The following CFAP20DC variants were observed in gnomAD, a reference collection of about 807,000 sequenced individuals.
CFAP20DC encodes the protein CFAP20 domain containing.
In CFAP20DC, 84 loss-of-function variants were observed where a neutral mutation model predicts 101.7. That is an observed-to-expected ratio of 0.83 (90% CI 0.69 to 0.99). CFAP20DC has a LOEUF of 0.99. Ranked by LOEUF, CFAP20DC falls within the 50% of genes least tolerant of loss-of-function variation. The probability of loss-of-function intolerance (pLI) is 0.00; values close to 1 mark genes in which losing one functional copy is unlikely to be tolerated. For synonymous variants in CFAP20DC, 359 were observed against 351.2 expected (o/e 1.02, Z -0.25); for missense variants, 1,007 against 970.3 (o/e 1.04, Z -0.50).
chr3:58,975,912 A>G (rs2092250465), intron 4 of CFAP20DC, among the ~76,000 whole-genome samples: 1 of 152,176 alleles, frequency 6.6e-6, no homozygotes, highest in Non-Finnish European at 1.5e-5. Flanking sequence ...ACTGCAAAAC[A>G]CATTCTACAG....
At chr3:58,918,137 T>C (rs7651720) in intron 5 of CFAP20DC, among the ~76,000 whole-genome samples, 5,170 of 152,270 alleles carry the variant, frequency 0.034, 126 homozygotes, top group Non-Finnish European at 0.054. Context: ...CAGTGAAACA[T>C]AGCTTTTTTT....
intron 16 of CFAP20DC, among the ~76,000 whole-genome samples, chr3:58,746,836 T>TG (rs1383467714): frequency 6.6e-6 from 1 of 152,146 alleles, no homozygotes; most frequent in Non-Finnish European, 1.5e-5. Flanking sequence ...AAGGTTTTGT[T>TG]TTCATTGTAA....
intron 12 of CFAP20DC, among the ~76,000 whole-genome samples, chr3:58,852,951 G>T (rs1394606290): frequency 2.0e-5 from 3 of 151,928 alleles, no homozygotes; most frequent in Non-Finnish European, 4.4e-5. Context: ...AAACACATAC[G>T]AAAGCTAGCA....
chr3:58,988,362 A>G (rs985745146), intron 4 of CFAP20DC, among the ~76,000 whole-genome samples: 9 of 152,054 alleles, frequency 5.9e-5, no homozygotes, highest in African/African-American at 2.2e-4. Flanking sequence ...GTAATAAATA[A>G]CTCCCAAATT....
intron 5 of CFAP20DC, among the ~76,000 whole-genome samples, chr3:58,931,795 A>G (rs1016402204): frequency 1.3e-5 from 2 of 152,208 alleles, no homozygotes; most frequent in Non-Finnish European, 2.9e-5. Context: ...ATCAAAGACC[A>G]AAAGTAGATA....
At chr3:58,972,126 C>T (rs910588934) in intron 4 of CFAP20DC, among the ~76,000 whole-genome samples, 1 of 151,968 alleles carries the variant, frequency 6.6e-6, no homozygotes, top group Non-Finnish European at 1.5e-5. Context: ...AAAAAAAGTT[C>T]CTTTATAATC....
chr3:59,002,958 G>A lies in CFAP20DC; in HGVS notation c.278+36599C>T, dbSNP rs2093348386. Among the ~76,000 whole-genome samples the A allele has an allele frequency of 6.6e-6, 1 of 152,130 alleles. No individual in the cohort carries two copies. Among genetic ancestry groups the A allele is most frequent in the Non-Finnish European group, 1.5e-5 (1 of 68,010 alleles). On this transcript the variant is annotated intron_variant, in intron 4 of 16. Transcript: ENST00000482387. This position sits in a 1 kb window ranked among gnomAD's most constrained non-coding sequence, Gnocchi z 4.5. ...TCTTGGTTACTGACAGAGCTATAAT[G>A]CATCCAAGATTTCTGACTGAATATC...
At chr3:58,872,666 T>C (rs1164090823) in intron 7 of CFAP20DC, among the ~76,000 whole-genome samples, 2 of 152,120 alleles carry the variant, frequency 1.3e-5, no homozygotes, top group Non-Finnish European at 2.9e-5. Context: ...GGAGAGAAAT[T>C]CCATTTGTCT....
At chr3:58,743,236 C>T (rs1369802144) in intron 16 of CFAP20DC, among the ~76,000 whole-genome samples, 1 of 151,048 alleles carries the variant, frequency 6.6e-6, no homozygotes. Context: ...AAGTCATTAT[C>T]GAGGCCTGCT....
intron 16 of CFAP20DC, among the ~76,000 whole-genome samples, chr3:58,751,904 A>T (rs539957790): frequency 4.0e-4 from 61 of 151,368 alleles, no homozygotes; most frequent in African/African-American, 1.5e-3. Context: ...GGCTAAATGT[A>T]ATGACTTGGT....
chr3:58,752,788 T>C (rs1273312323), intron 16 of CFAP20DC, among the ~76,000 whole-genome samples: 2 of 152,086 alleles, frequency 1.3e-5, no homozygotes, highest in South Asian at 2.1e-4. Flanking sequence ...CTCTGAATTC[T>C]CCATACCTAA....
At chr3:58,932,966 A>G (rs1368385028) in intron 5 of CFAP20DC, among the ~76,000 whole-genome samples, 8 of 152,300 alleles carry the variant, frequency 5.3e-5, no homozygotes, top group Middle Eastern at 3.4e-3. Context: ...CCAATTAAAA[A>G]ACACAGACTG....
intron 6 of CFAP20DC, among the ~76,000 whole-genome samples, chr3:58,890,881 G>A (rs1199851257): frequency 8.1e-5 from 12 of 148,382 alleles, no homozygotes; most frequent in African/African-American, 2.8e-4. Flanking sequence ...GCTGGGAAGA[G>A]GCGCTCCTCA....
intron 4 of CFAP20DC, among the ~76,000 whole-genome samples, chr3:58,940,872 A>G (rs1458569066): frequency 6.6e-6 from 1 of 152,360 alleles, no homozygotes; most frequent in East Asian, 1.9e-4. Flanking sequence ...GGAGAATGAT[A>G]CTGATCATGT....
chr3:58,785,530 T>C (rs1375962633), intron 15 of CFAP20DC, among the ~76,000 whole-genome samples: 1 of 151,982 alleles, frequency 6.6e-6, no homozygotes, highest in Admixed American at 6.6e-5. Context: ...TAACAAAAGA[T>C]CATATGTACT....
In CFAP20DC at chr3:58,924,902, T is replaced by C. The variant is rs562368128; in HGVS notation, c.394-11038A>G. Among the ~76,000 whole-genome samples the C allele has an allele frequency of 3.3e-5, 5 of 152,268 alleles. 1 individual carries two copies. In the South Asian group the frequency reaches 1.0e-3, roughly 32 times the overall value. Reference sequence around the variant, plus strand: ...TTTGAGAAGTGCCTGTTCACACCCATAGCTCACTTTTTAATGGGGTTATTT... The same window carrying C: ...TTTGAGAAGTGCCTGTTCACACCCACAGCTCACTTTTTAATGGGGTTATTT... On this transcript the variant is annotated intron_variant, in intron 5 of 16. Transcript: ENST00000482387.
At chr3:58,927,386 G>A (rs2086103410) in intron 5 of CFAP20DC, among the ~76,000 whole-genome samples, 1 of 152,062 alleles carries the variant, frequency 6.6e-6, no homozygotes, top group Non-Finnish European at 1.5e-5. Context: ...CACCTAGAAG[G>A]CCCAGGCAGA....
intron 7 of CFAP20DC, among the ~76,000 whole-genome samples, chr3:58,879,121 A>G (rs931942973): frequency 6.6e-6 from 1 of 152,234 alleles, no homozygotes; most frequent in Non-Finnish European, 1.5e-5. Flanking sequence ...CATCTACAAA[A>G]TAGTGATTAC....
chr3:58,914,693 T>C lies in CFAP20DC; in HGVS notation c.394-829A>G, dbSNP rs1186884775. ...GTATATATAAATATATATATATATA[T>C]TTTTTTTCTTTTTTTTAAAGACAAA... On this transcript the variant is annotated intron_variant, in intron 5 of 16. Transcript: ENST00000482387. This position sits in a 1 kb window ranked among gnomAD's most constrained non-coding sequence, Gnocchi z 4.9. Among the ~76,000 whole-genome samples the C allele has an allele frequency of 7.1e-6, 1 of 140,746 alleles. No individual in the cohort carries two copies. Among genetic ancestry groups the C allele is most frequent in the Non-Finnish European group, 1.5e-5 (1 of 66,904 alleles). 92.3% of individuals were successfully genotyped at this position (140,746 alleles called of 152,430 possible). A position where few individuals can be genotyped will look rare whatever the true frequency, so the allele number is the denominator to read the frequency against.
Sources: gnomAD v4.1 joint callset for allele counts (sites outside exome capture counted in the v4.1 genomes callset) on GRCh38, gnomAD v4.1.1 for gene constraint, Gnocchi (gnomAD v3.1) non-coding constraint, MANE v1.5 for transcripts, NCBI Gene and HGNC (gene_info 2026-07-23, HGNC 2026-07-21) for gene names.